The following CCSER1 variants were observed in gnomAD, a reference collection of about 807,000 sequenced individuals.
CCSER1 encodes the protein serine-rich coiled-coil domain-containing protein 1.
In CCSER1, 41 loss-of-function variants were observed where a neutral mutation model predicts 82.0. The ratio of observed to expected loss-of-function variants is 0.50; its 90% CI spans 0.39 to 0.65. CCSER1 has a LOEUF of 0.65. CCSER1 is among the 30% of genes least tolerant of loss of function. CCSER1 has a pLI of 0.00. For synonymous variants in CCSER1, 414 were observed against 383.9 expected (o/e 1.08, Z -0.92); for missense variants, 1,119 against 1,064.2 (o/e 1.05, Z -0.72).
At chr4:90,153,135 G>A (rs1727234750) in intron 1 of CCSER1, among the ~76,000 whole-genome samples, 2 of 148,982 alleles carry the variant, frequency 1.3e-5, no homozygotes, top group South Asian at 2.1e-4. Flanking sequence ...AATATGCGGT[G>A]TTTGGTATTT....
At chr4:90,151,113 A>G (rs1487700061) in intron 1 of CCSER1, among the ~76,000 whole-genome samples, 1 of 152,134 alleles carries the variant, frequency 6.6e-6, no homozygotes, top group Admixed American at 6.6e-5. Flanking sequence ...AATTAGAACT[A>G]AAGTCCTCCT....
chr4:90,408,533 G>A (rs1754128227), intron 4 of CCSER1, among the ~76,000 whole-genome samples: 1 of 152,198 alleles, frequency 6.6e-6, no homozygotes, highest in African/African-American at 2.4e-5. Context: ...GGTCTGGAGT[G>A]GACCTCCAGT....
In CCSER1 at chr4:90,933,132, A is replaced by AGAGTGTGTGT. The variant is rs1491482106; in HGVS notation, c.2172+9686_2172+9687insAGTGTGTGTG. 7.1e-5 allele frequency among the ~76,000 whole-genome samples: 5 copies of AGAGTGTGTGT among 70,170 alleles called. 1 individual carries two copies. The highest frequency in any genetic ancestry group is 1.3e-4 in the Non-Finnish European group (5 of 39,344). 46.0% of individuals were successfully genotyped at this position (70,170 alleles called of 152,430 possible). A position where few individuals can be genotyped will look rare whatever the true frequency, so the allele number is the denominator to read the frequency against. ...TGTTGTTCCAAAAATGTTACCTAGA[A>AGAGTGTGTGT]GTGTGTGTGTGTGTGTGTGTGTGTG... On this transcript the variant is annotated intron_variant, in intron 9 of 10. Coordinates refer to ENST00000509176, the MANE Select transcript of CCSER1 (RefSeq NM_001145065.2).
rs578017189 is a variant in CCSER1 at position 90,390,865 on chromosome 4, C to G, written c.1510-9171C>G. Reference sequence around the variant, plus strand: ...AAGTTCTCTGAGAAATCTCCAAACTCTTTTCCATAGTGGCTCAACTAGTTT... The same window carrying G: ...AAGTTCTCTGAGAAATCTCCAAACTGTTTTCCATAGTGGCTCAACTAGTTT... On this transcript the variant is annotated intron_variant, in intron 3 of 10. Coordinates refer to ENST00000509176, the MANE Select transcript of CCSER1 (RefSeq NM_001145065.2). 7.9e-5 allele frequency among the ~76,000 whole-genome samples: 12 copies of G among 152,232 alleles called. No individual in the cohort carries two copies. The East Asian group carries it at 2.1e-3, about 27-fold the overall frequency.
chr4:90,204,567 C>A (rs1393183459), intron 1 of CCSER1, among the ~76,000 whole-genome samples: 5 of 152,124 alleles, frequency 3.3e-5, no homozygotes, highest in Non-Finnish European at 7.4e-5. Context: ...TGTTTTGGTA[C>A]CAGTACCATG....
Position 91,583,535 on chromosome 4 carries a change from C to T in CCSER1, c.2218-15037C>T, listed in dbSNP as rs78045033. 6.2e-4 allele frequency among the ~76,000 whole-genome samples: 94 copies of T among 151,384 alleles called. 1 individual carries two copies. In the East Asian group the frequency reaches 6.2e-3, roughly 10 times the overall value. On this transcript the variant is annotated intron_variant, in intron 10 of 10. Coordinates refer to ENST00000509176, the MANE Select transcript of CCSER1 (RefSeq NM_001145065.2). ...CAAGGTGTACTACTCTAAGGACACACGCAGATTTTCTATAGAGTTCCTTGA... is the reference window on the plus strand; with the variant it reads ...CAAGGTGTACTACTCTAAGGACACATGCAGATTTTCTATAGAGTTCCTTGA...
At chr4:91,490,777 T>C (rs114847145) in intron 10 of CCSER1, among the ~76,000 whole-genome samples, 2,773 of 144,410 alleles carry the variant, frequency 0.019, 81 homozygotes, top group African/African-American at 0.063. Flanking sequence ...GTTTGCAACA[T>C]GAAGAAATGA....
intron 8 of CCSER1, among the ~76,000 whole-genome samples, chr4:90,848,541 C>G (rs1763474232): frequency 6.6e-6 from 1 of 152,164 alleles, no homozygotes; most frequent in Non-Finnish European, 1.5e-5. Flanking sequence ...TTAGTCATCA[C>G]TTAAGTGTGA....
At chr4:90,327,281 T>G (rs1169105828) in intron 3 of CCSER1, among the ~76,000 whole-genome samples, 1 of 152,146 alleles carries the variant, frequency 6.6e-6, no homozygotes, top group Non-Finnish European at 1.5e-5. Flanking sequence ...TGGTGTTCAT[T>G]TCCTTTGATC....
intron 1 of CCSER1, among the ~76,000 whole-genome samples, chr4:90,150,643 GTT>G (rs1726659708): frequency 6.6e-6 from 1 of 152,026 alleles, no homozygotes; most frequent in Non-Finnish European, 1.5e-5. Flanking sequence ...GCAATTTGTT[GTT>G]AAAACCAGTA....
chr4:91,039,441 T>G (rs145134403), intron 9 of CCSER1, among the ~76,000 whole-genome samples: 2 of 152,278 alleles, frequency 1.3e-5, no homozygotes, highest in Non-Finnish European at 2.9e-5. Context: ...GTGTTCTGGC[T>G]GTCTCTCCAA....
chr4:91,555,237 C>A (rs1198259249), intron 10 of CCSER1, among the ~76,000 whole-genome samples: 1 of 151,126 alleles, frequency 6.6e-6, no homozygotes. Flanking sequence ...CCCAGACTCA[C>A]ACTACCAAAT....
chr4:91,389,663 G>C, intron 10 of CCSER1, among the ~76,000 whole-genome samples: 1 of 151,744 alleles, frequency 6.6e-6, no homozygotes. Context: ...CTGTAGTTCA[G>C]GTTAATAATT....
chr4:91,287,964 G>T (rs532151979), intron 10 of CCSER1, among the ~76,000 whole-genome samples: 1 of 125,648 alleles, frequency 8.0e-6, no homozygotes, highest in East Asian at 2.5e-4. Context: ...AAGAGTAAAA[G>T]TTATGCTCTG....
chr4:90,253,036 T>C (rs1333658828), intron 1 of CCSER1, among the ~76,000 whole-genome samples: 1 of 152,056 alleles, frequency 6.6e-6, no homozygotes, highest in African/African-American at 2.4e-5. Flanking sequence ...AATACATTCA[T>C]GTTTCATATA....
chr4:90,742,462 A>G (rs1249452839), intron 7 of CCSER1, among the ~76,000 whole-genome samples: 6 of 152,102 alleles, frequency 3.9e-5, no homozygotes, highest in Non-Finnish European at 1.5e-5. Flanking sequence ...GCCCTTATGA[A>G]TGTTATTAGT....
At chr4:90,484,868 C>T (rs537410898) in intron 5 of CCSER1, among the ~76,000 whole-genome samples, 2 of 152,322 alleles carry the variant, frequency 1.3e-5, no homozygotes, top group South Asian at 2.1e-4. Context: ...AGATCTCAAG[C>T]TGTGTGCTGG....
intron 4 of CCSER1, among the ~76,000 whole-genome samples, chr4:90,427,045 A>G (rs1757619186): frequency 6.6e-6 from 1 of 152,140 alleles, no homozygotes; most frequent in South Asian, 2.1e-4. Context: ...GTAAATACTT[A>G]TCAAAGACAG....
intron 9 of CCSER1, among the ~76,000 whole-genome samples, chr4:91,067,744 G>C (rs548650717): frequency 6.6e-6 from 1 of 152,152 alleles, no homozygotes; most frequent in Non-Finnish European, 1.5e-5. Context: ...ACAGGTTTCT[G>C]TGCTCCTGGT....
Sources: allele counts gnomAD v4.1 joint callset (sites outside exome capture counted in the v4.1 genomes callset), GRCh38; gene constraint gnomAD v4.1.1; transcripts MANE v1.5; gene names NCBI Gene and HGNC (gene_info 2026-07-23, HGNC 2026-07-21).